ERBIN: variants seen among roughly 807,000 people sequenced by gnomAD.
ERBIN encodes densin-180-like protein.
Under a neutral mutation model 158.4 loss-of-function variants are expected in ERBIN, and 60 were observed. The ratio of observed to expected loss-of-function variants is 0.38; its 90% CI spans 0.31 to 0.47. ERBIN has a LOEUF of 0.47. Ranked by LOEUF, ERBIN falls within the 20% of genes least tolerant of loss-of-function variation. The pLI is 0.99. For missense variants in ERBIN, 1,610 were observed against 1,648.0 expected (o/e 0.98, Z 0.40); for synonymous variants, 594 against 557.2 (o/e 1.07, Z -0.93).
In ERBIN at chr5:66,076,411, A is replaced by G. The variant is rs1761988258; in HGVS notation, c.4056+3A>G. The G allele has an allele frequency of 6.2e-7, 1 of 1,602,186 alleles. No homozygotes were observed. The stretch of plus-strand genomic sequence containing the variant: ...ACCCATTCAGACCTGATGATGATGT[A>G]AGTTTTCTTTGTATATTCTTGAAAC... On this transcript the variant is annotated splice_donor_region_variant and intron_variant, in intron 24 of 25. Transcript: ENST00000284037.
chr5:66,059,377 A>G (rs1232630250), intron 21 of ERBIN, among the ~76,000 whole-genome samples: 2 of 152,222 alleles, frequency 1.3e-5, no homozygotes, highest in African/African-American at 4.8e-5. Flanking sequence ...TGATTTTTAC[A>G]CATTGATTTT....
chr5:65,977,707 A>G (rs2151005545), intron 1 of ERBIN, among the ~76,000 whole-genome samples: 1 of 148,106 alleles, frequency 6.8e-6, no homozygotes, highest in Non-Finnish European at 1.5e-5. Context: ...CTCACTTCCC[A>G]GACGATGGGC....
intron 1 of ERBIN, among the ~76,000 whole-genome samples, chr5:65,954,825 G>A (rs150421057): frequency 0.015 from 2,289 of 152,036 alleles, 67 homozygotes; most frequent in African/African-American, 0.051. Flanking sequence ...CAGCACTTTG[G>A]GAGGCCGAGG....
At position 66,054,919 on chromosome 5, in the gene ERBIN, C is replaced by T. The variant is rs1341069377; in HGVS notation, c.3601C>T (p.Leu1201Phe). Residue 1201 changes from leucine to phenylalanine, a missense_variant, in exon 21 of 26, where the codon CTT (leucine) becomes TTT (phenylalanine). By Grantham distance (22) the Leu-to-Phe change is conservative (BLOSUM62 0). Around this residue, in one of 2 missense-constraint regions of ERBIN, gnomAD observed 1,014 missense variants for 936.1 expected, o/e 1.08. Transcript: ENST00000284037. ...KVPRDWREQVLRHIEAKKLEK... is the reference protein window; with the variant it reads ...KVPRDWREQVFRHIEAKKLEK... ...TCCTCGTGACTGGAGAGAACAAGTA[C>T]TTCGACATATTGAAGCCAAAAAGTT... 5 of 1,595,440 alleles carry T rather than the reference C, an allele frequency of 3.1e-6. No homozygotes were observed. The highest frequency in any genetic ancestry group is 1.7e-4 in the Middle Eastern group (1 of 5,928).
chr5:65,966,498 T>C (rs1442066000), intron 1 of ERBIN, among the ~76,000 whole-genome samples: 18 of 151,992 alleles, frequency 1.2e-4, no homozygotes, highest in Non-Finnish European at 2.9e-5. Flanking sequence ...CTGACCAACA[T>C]GGAGAAACCC....
chr5:65,937,782 G>A (rs1005607697), intron 1 of ERBIN, among the ~76,000 whole-genome samples: 4 of 152,076 alleles, frequency 2.6e-5, no homozygotes, highest in African/African-American at 4.8e-5. Flanking sequence ...GGTAGCAGGC[G>A]CCTGTAGTCC....
intron 1 of ERBIN, among the ~76,000 whole-genome samples, chr5:65,940,488 C>T (rs1255449440): frequency 8.6e-6 from 1 of 116,348 alleles, no homozygotes; most frequent in Admixed American, 7.8e-5. Context: ...CCCCCCCCCC[C>T]GGCCAGCCGC....
At chr5:66,070,891 T>A (rs1443619676) in intron 21 of ERBIN, among the ~76,000 whole-genome samples, 1 of 152,214 alleles carries the variant, frequency 6.6e-6, no homozygotes, top group Non-Finnish European at 1.5e-5. Flanking sequence ...TTCAATATGA[T>A]GATGTAGTTT....
intron 23 of ERBIN, among the ~76,000 whole-genome samples, chr5:66,075,560 C>A (rs569343071): frequency 1.3e-5 from 2 of 152,220 alleles, no homozygotes; most frequent in East Asian, 3.9e-4. Flanking sequence ...CACTTAAAAT[C>A]TTAATTCCTT....
intron 10 of ERBIN, 150 bp downstream of exon 10, chr5:66,024,600 C>A: frequency 1.5e-6 from 1 of 660,986 alleles, no homozygotes; most frequent in Non-Finnish European, 2.4e-6. Context: ...ATCAGTTGTA[C>A]AGTTTGCTCC....
At chr5:65,983,906 C>A (rs1381335935) in intron 1 of ERBIN, among the ~76,000 whole-genome samples, 1 of 152,136 alleles carries the variant, frequency 6.6e-6, no homozygotes, top group Non-Finnish European at 1.5e-5. Flanking sequence ...GCCAGGTGCT[C>A]AAGCTCCCAG....
Position 66,054,345 on chromosome 5 carries a change from C to T in ERBIN, c.3027C>T (p.Leu1009=), listed in dbSNP as rs77719384. 9.9e-4 allele frequency: 1,594 copies of T among 1,614,152 alleles called. 22 individuals carry two copies. The East Asian group carries it at 0.03, about 31-fold the overall frequency. ...QIDHASFPPQ[L]LPRSESTENQ... is the part of the protein sequence containing the mutation. ...ACCATGCCAGTTTTCCTCCTCAGCT[C>T]CTTCCTAGATCAGAGAGCACAGAAA... Residue 1009 remains leucine (L), a synonymous_variant, in exon 21 of 26, where the codon CTC becomes CTT. Coordinates refer to ENST00000284037, the MANE Select transcript of ERBIN (RefSeq NM_001253697.2).
At chr5:66,023,469 T>C (rs535807727) in intron 9 of ERBIN, 105 bp downstream of exon 9, 1 of 612,938 alleles carries the variant, frequency 1.6e-6, no homozygotes, top group African/African-American at 1.9e-5. Flanking sequence ...AAAAATTGAA[T>C]TATTCTTTAT....
At chr5:65,996,120 C>T (rs760705610) in intron 4 of ERBIN, among the ~76,000 whole-genome samples, 11 of 151,892 alleles carry the variant, frequency 7.2e-5, no homozygotes, top group South Asian at 4.2e-4. Flanking sequence ...GGTGTGATCC[C>T]GTTTGTCTGT....
At chr5:65,996,825 G>T (rs1752492140) in intron 4 of ERBIN, among the ~76,000 whole-genome samples, 1 of 151,972 alleles carries the variant, frequency 6.6e-6, no homozygotes, top group Non-Finnish European at 1.5e-5. Context: ...ATAGTTTTCA[G>T]TGTATATGTC....
chr5:65,941,833 C>G (rs1230316689), intron 1 of ERBIN, among the ~76,000 whole-genome samples: 1 of 152,026 alleles, frequency 6.6e-6, no homozygotes, highest in Non-Finnish European at 1.5e-5. Flanking sequence ...CTCCGCCTCC[C>G]AGATTCACTC....
intron 21 of ERBIN, 176 bp downstream of exon 21, chr5:66,055,127 G>A: frequency 3.6e-6 from 5 of 1,379,284 alleles, no homozygotes; most frequent in Non-Finnish European, 4.7e-6. Context: ...GGATGATAAT[G>A]TGTGTTTCTA....
At chr5:66,034,322 C>T (rs1355329754) in intron 14 of ERBIN, among the ~76,000 whole-genome samples, 2 of 151,626 alleles carry the variant, frequency 1.3e-5, no homozygotes, top group African/African-American at 4.8e-5. Flanking sequence ...CAGAGTCTCA[C>T]TCTGTCGCCC....
At chr5:65,933,029 G>A (rs2150842783) in intron 1 of ERBIN, among the ~76,000 whole-genome samples, 1 of 152,276 alleles carries the variant, frequency 6.6e-6, no homozygotes, top group East Asian at 1.9e-4. Flanking sequence ...CTGGCCTCAA[G>A]CAGTCCTCCC....
Sources: gnomAD v4.1 joint callset for allele counts (sites outside exome capture counted in the v4.1 genomes callset) on GRCh38, gnomAD v4.1.1 for gene constraint, gnomAD v4.1.1 regional missense constraint, MANE v1.5 for transcripts, NCBI Gene and HGNC (gene_info 2026-07-23, HGNC 2026-07-21) for gene names.